Variants in PTDSS1 observed in about 807,000 individuals in gnomAD.
PTDSS1 encodes the protein PSS-1.
PTDSS1 carries 45 observed loss-of-function variants against 70.5 expected under a neutral mutation model. The ratio of observed to expected loss-of-function variants is 0.64; its 90% CI spans 0.50 to 0.82. PTDSS1 has a LOEUF of 0.82. Among genes scored for constraint, PTDSS1 ranks in the 40% least tolerant of loss-of-function variants. The pLI is 0.00. For missense variants in PTDSS1, 417 were observed against 586.1 expected (o/e 0.71, Z 2.98); for synonymous variants, 188 against 203.8 (o/e 0.92, Z 0.66).
intron 1 of PTDSS1, among the ~76,000 whole-genome samples, chr8:96,269,831 C>T (rs1810539551): frequency 1.3e-5 from 2 of 152,174 alleles, no homozygotes. Flanking sequence ...TCTCAGACCT[C>T]AAAGAGTCCC....
intron 2 of PTDSS1, among the ~76,000 whole-genome samples, chr8:96,281,551 T>C (rs1810736660): frequency 6.6e-6 from 1 of 152,188 alleles, no homozygotes; most frequent in South Asian, 2.1e-4. Flanking sequence ...GTCTTGCTTT[T>C]CCTGAGCCTA....
At chr8:96,313,255 C>G (rs148267564) in intron 9 of PTDSS1, among the ~76,000 whole-genome samples, 56 of 152,214 alleles carry the variant, frequency 3.7e-4, no homozygotes, top group Non-Finnish European at 5.7e-4. Flanking sequence ...GCTTTTAAAC[C>G]TTTTATACGA....
chr8:96,267,445 C>T (rs956398372), intron 1 of PTDSS1, among the ~76,000 whole-genome samples: 1 of 152,200 alleles, frequency 6.6e-6, no homozygotes, highest in African/African-American at 2.4e-5. Context: ...ATAGCTGACT[C>T]TCAGGCCCTG....
At chr8:96,310,296 C>G (rs1273744347) in intron 9 of PTDSS1, among the ~76,000 whole-genome samples, 2 of 150,848 alleles carry the variant, frequency 1.3e-5, no homozygotes, top group Non-Finnish European at 3.0e-5. Context: ...TCCCAAGTAG[C>G]TGGGATTACA....
At chr8:96,321,280 G>A (rs928613404) in intron 10 of PTDSS1, among the ~76,000 whole-genome samples, 11 of 151,858 alleles carry the variant, frequency 7.2e-5, no homozygotes, top group Non-Finnish European at 1.5e-5. Flanking sequence ...ATACTTTTTC[G>A]GTTTAATGCA....
rs114330255 is a variant in PTDSS1 at position 96,273,929 on chromosome 8, C to T, written c.271+539C>T. Among the ~76,000 whole-genome samples the T allele has an allele frequency of 8.8e-3, 1,340 of 152,222 alleles. 23 individuals carry two copies. Among genetic ancestry groups the T allele is most frequent in the African/African-American group, 0.03 (1,242 of 41,520 alleles). On this transcript the variant is annotated intron_variant, in intron 2 of 12. Coordinates refer to ENST00000517309, the MANE Select transcript of PTDSS1 (RefSeq NM_014754.3). ...AAGACAATGATTTCTGTGAATTTTACCCCCATCATGATTATGGAGTGAGTG... is the reference window on the plus strand; with the variant it reads ...AAGACAATGATTTCTGTGAATTTTATCCCCATCATGATTATGGAGTGAGTG...
At chr8:96,272,612 A>C (rs1337109933) in intron 1 of PTDSS1, among the ~76,000 whole-genome samples, 9 of 152,206 alleles carry the variant, frequency 5.9e-5, no homozygotes, top group Non-Finnish European at 1.0e-4. Flanking sequence ...TGTCTTACCT[A>C]CACAACCTCA....
Position 96,318,840 on chromosome 8 carries a change from G to A in PTDSS1, c.1074-1406G>A, listed in dbSNP as rs374631381. On this transcript the variant is annotated intron_variant, in intron 9 of 12. Coordinates refer to ENST00000517309, the MANE Select transcript of PTDSS1 (RefSeq NM_014754.3). ...AGAGCCATCTACACTTTTGATGATG[G>A]CAGTGACCACTATGTCTGCCAGTAA... 4.0e-5 allele frequency among the ~76,000 whole-genome samples: 6 copies of A among 151,476 alleles called. No homozygotes were observed. In the South Asian group the frequency reaches 6.3e-4, roughly 16 times the overall value.
chr8:96,309,328 T>G, intron 8 of PTDSS1: 1 of 349,150 alleles, frequency 2.9e-6, no homozygotes, highest in Non-Finnish European at 5.3e-6. Context: ...CAGACAAGAA[T>G]CTGGCTCTTT....
intron 4 of PTDSS1, among the ~76,000 whole-genome samples, chr8:96,289,612 A>T: frequency 6.6e-6 from 1 of 152,182 alleles, no homozygotes; most frequent in East Asian, 1.9e-4. Context: ...AATGTTTTTT[A>T]ATCCCAACAT....
chr8:96,328,816 A>C (rs1316852871), intron 10 of PTDSS1, among the ~76,000 whole-genome samples: 1 of 152,162 alleles, frequency 6.6e-6, no homozygotes, highest in East Asian at 1.9e-4. Context: ...CTACCACCAG[A>C]CTGTGGCTGT....
Position 96,304,020 on chromosome 8 carries a change from G to T in PTDSS1, c.753-20G>T, listed in dbSNP as rs549256230. 2.2e-5 allele frequency: 35 copies of T among 1,594,262 alleles called. No individual in the cohort carries two copies. The South Asian group carries it at 3.5e-4, about 16-fold the overall frequency. The stretch of plus-strand genomic sequence containing the variant: ...CTGCCTTATCTCTGGATTTTCACTG[G>T]AGCCATTCTCTTCTTACAGGGACAT... On this transcript the variant is annotated intron_variant, in intron 6 of 12. Transcript: ENST00000517309.
At chr8:96,263,156 T>A (rs996931916) in intron 1 of PTDSS1, among the ~76,000 whole-genome samples, 1 of 152,170 alleles carries the variant, frequency 6.6e-6, no homozygotes, top group African/African-American at 2.4e-5. Flanking sequence ...TTCTAATATA[T>A]ACCGGTTCAT....
At chr8:96,312,487 A>G (rs1442267514) in intron 9 of PTDSS1, among the ~76,000 whole-genome samples, 1 of 151,092 alleles carries the variant, frequency 6.6e-6, no homozygotes, top group Non-Finnish European at 1.5e-5. Context: ...TAAAAAAAAA[A>G]GGAAAAAAGT....
intron 3 of PTDSS1, among the ~76,000 whole-genome samples, chr8:96,286,258 C>A (rs1031986370): frequency 1.3e-5 from 2 of 152,164 alleles, no homozygotes; most frequent in African/African-American, 2.4e-5. Context: ...ACCACAAAAC[C>A]CCTCGTGATC....
At chr8:96,323,450 T>A (rs1350858532) in intron 10 of PTDSS1, among the ~76,000 whole-genome samples, 1 of 152,188 alleles carries the variant, frequency 6.6e-6, no homozygotes, top group Non-Finnish European at 1.5e-5. Flanking sequence ...GCGTTTTGCA[T>A]ACCTGCAGAA....
chr8:96,293,051 C>A (rs1336661299), intron 4 of PTDSS1, among the ~76,000 whole-genome samples: 2 of 152,176 alleles, frequency 1.3e-5, no homozygotes, highest in Admixed American at 6.5e-5. Flanking sequence ...GGGCATGCTA[C>A]CCAACCCCTT....
chr8:96,273,416 T>A, intron 2 of PTDSS1, 26 bp downstream of exon 2: 1 of 1,518,764 alleles, frequency 6.6e-7, no homozygotes, highest in Non-Finnish European at 9.0e-7. Flanking sequence ...CATTACCACA[T>A]TTCTCCTATA....
At chr8:96,309,982 G>T (rs1811184489) in intron 9 of PTDSS1, among the ~76,000 whole-genome samples, 1 of 151,826 alleles carries the variant, frequency 6.6e-6, no homozygotes, top group South Asian at 2.1e-4. Flanking sequence ...GGTCAACATG[G>T]CGAAACCCTG....
Sources: gnomAD v4.1 joint callset for allele counts (sites outside exome capture counted in the v4.1 genomes callset) on GRCh38, gnomAD v4.1.1 for gene constraint, MANE v1.5 for transcripts, NCBI Gene and HGNC (gene_info 2026-07-23, HGNC 2026-07-21) for gene names.